PTPRE: variants seen among roughly 807,000 people sequenced by gnomAD.
PTPRE encodes protein tyrosine phosphatase receptor type E.
In PTPRE, 51 loss-of-function variants were observed where a neutral mutation model predicts 102.0. The observed-to-expected ratio is 0.50, with a 90% CI of 0.40 to 0.63. The LOEUF is 0.63. Among genes scored for constraint, PTPRE ranks in the 30% least tolerant of loss-of-function variants. PTPRE has a pLI of 0.00. For synonymous variants in PTPRE, 345 were observed against 348.2 expected, an observed-to-expected ratio of 0.99 and a Z score of 0.10; for missense variants, 752 against 915.1, an observed-to-expected ratio of 0.82 and a Z score of 2.30.
intron 2 of PTPRE, chr10:127,998,990 G>A (rs1004836422): frequency 6.6e-6 from 1 of 151,922 alleles, no homozygotes; most frequent in Non-Finnish European, 1.5e-5. Flanking sequence ...GTAGAAGGGG[G>A]CAAAGAGATC....
intron 10 of PTPRE, among the ~76,000 whole-genome samples, chr10:128,065,106 A>G (rs1891817): frequency 0.96 from 145,665 of 152,292 alleles, 69,721 homozygotes; most frequent in East Asian, 1. Flanking sequence ...CCTGTGACCC[A>G]CAGCCCCGCA....
At chr10:128,068,460 G>A in intron 12 of PTPRE, 174 bp downstream of exon 12, 2 of 616,452 alleles carry the variant, frequency 3.2e-6, no homozygotes, top group Non-Finnish European at 5.1e-6. Context: ...ACAGGAGAAT[G>A]TTCAGAGAGC....
intron 2 of PTPRE, 77 bp from the exon 3 acceptor site, chr10:128,040,798 C>T: frequency 1.8e-6 from 2 of 1,134,340 alleles, no homozygotes; most frequent in Middle Eastern, 2.0e-4. Context: ...CTCTTCTCCT[C>T]ATCATCACTG....
chr10:127,938,027 A>G (rs1847958658), intron 1 of PTPRE, among the ~76,000 whole-genome samples: 1 of 152,122 alleles, frequency 6.6e-6, no homozygotes, highest in Admixed American at 6.5e-5. Flanking sequence ...GAAGGAAAAT[A>G]TTTATTCCTT....
chr10:127,916,116 G>A (rs1846189235), intron 1 of PTPRE, among the ~76,000 whole-genome samples: 1 of 152,142 alleles, frequency 6.6e-6, no homozygotes, highest in Admixed American at 6.5e-5. Context: ...GTGGAGGAGG[G>A]GAGACATGGA....
At chr10:127,943,326 GTC>G (rs1411293127) in intron 1 of PTPRE, among the ~76,000 whole-genome samples, 1 of 152,200 alleles carries the variant, frequency 6.6e-6, no homozygotes, top group Admixed American at 6.5e-5. Flanking sequence ...CTGGCTGCCA[GTC>G]TCTCACACTC....
chr10:128,049,672 TGTG>T lies in PTPRE; in HGVS notation c.420+8_420+10del, dbSNP rs1480077755. On this transcript the variant is annotated splice_region_variant and intron_variant, in intron 6 of 20. Coordinates refer to ENST00000254667, the MANE Select transcript of PTPRE (RefSeq NM_006504.6). ...AGTTTCGGGAGGAGTTCAACGTGAGTGTGGGGAGGGCTCTCTGCTGGGTGCCCT... is the reference window on the plus strand; with the variant it reads ...AGTTTCGGGAGGAGTTCAACGTGAGTGGGAGGGCTCTCTGCTGGGTGCCCT... The T allele has an allele frequency of 9.9e-6, 16 of 1,613,278 alleles. No homozygotes were observed. Among genetic ancestry groups the T allele is most frequent in the African/African-American group, 2.7e-5 (2 of 74,850 alleles).
chr10:127,971,970 A>G (rs1349006596), intron 1 of PTPRE, among the ~76,000 whole-genome samples: 1 of 152,224 alleles, frequency 6.6e-6, no homozygotes, highest in Non-Finnish European at 1.5e-5. Context: ...AGCCTAGTTT[A>G]TAGAAGCCCA....
chr10:127,975,037 A>G (rs966422221), intron 1 of PTPRE, among the ~76,000 whole-genome samples: 3 of 152,218 alleles, frequency 2.0e-5, no homozygotes, highest in Admixed American at 6.5e-5. Flanking sequence ...GGATACAACC[A>G]GGGCAGCCCA....
intron 1 of PTPRE, among the ~76,000 whole-genome samples, chr10:127,947,289 T>A (rs1354513744): frequency 1.3e-5 from 2 of 151,252 alleles, no homozygotes; most frequent in African/African-American, 4.9e-5. Context: ...TAAATAAAAA[T>A]TCTCAGAGGT....
intron 2 of PTPRE, chr10:127,987,434 G>A (rs1425208466): frequency 9.9e-7 from 1 of 1,010,314 alleles, no homozygotes; most frequent in African/African-American, 1.7e-5. Flanking sequence ...TGTCTCTTTG[G>A]TTTTGTGTCA....
At chr10:127,936,201 C>T (rs1847834236) in intron 1 of PTPRE, 1 of 152,168 alleles carries the variant, frequency 6.6e-6, no homozygotes, top group Admixed American at 6.5e-5. Flanking sequence ...TAAAGGGGGA[C>T]AGTGCCATTT....
At chr10:127,926,896 C>T (rs1449509629) in intron 1 of PTPRE, among the ~76,000 whole-genome samples, 2 of 144,702 alleles carry the variant, frequency 1.4e-5, no homozygotes, top group Non-Finnish European at 3.0e-5. Flanking sequence ...ACTGTAACCT[C>T]TGCCTCCCAG....
intron 1 of PTPRE, among the ~76,000 whole-genome samples, chr10:127,981,506 T>C (rs1851614995): frequency 6.6e-6 from 1 of 151,276 alleles, no homozygotes; most frequent in African/African-American, 2.5e-5. Context: ...TTTTAAAAAA[T>C]AAAATAACAT....
chr10:127,961,773 C>A (rs1219301478), intron 1 of PTPRE, among the ~76,000 whole-genome samples: 1 of 152,162 alleles, frequency 6.6e-6, no homozygotes, highest in African/African-American at 2.4e-5. Context: ...GTATTTATTC[C>A]TGTCTCCCCC....
chr10:127,981,089 G>T (rs1011033229), intron 1 of PTPRE, among the ~76,000 whole-genome samples: 3 of 152,160 alleles, frequency 2.0e-5, no homozygotes, highest in African/African-American at 7.2e-5. Context: ...TCAACAAAAT[G>T]TGGTATATCC....
At chr10:127,912,608 A>G (rs1845939193) in intron 1 of PTPRE, among the ~76,000 whole-genome samples, 1 of 152,226 alleles carries the variant, frequency 6.6e-6, no homozygotes, top group Non-Finnish European at 1.5e-5. Flanking sequence ...TGTTGGGTGG[A>G]GAGTAAAGAA....
At chr10:127,993,362 T>C (rs7079283) in intron 2 of PTPRE, among the ~76,000 whole-genome samples, 9,372 of 152,292 alleles carry the variant, frequency 0.062, 921 homozygotes, top group African/African-American at 0.2. Flanking sequence ...TTATATGATG[T>C]GTGACACATA....
rs59007980 is a variant in PTPRE, at chr10:128,002,683, CTTTTTTTTTTTTTTTTTTTT to C, written c.-8+20405_-8+20424del. Among the ~76,000 whole-genome samples the C allele has an allele frequency of 5.8e-4, 24 of 41,202 alleles. No individual in the cohort carries two copies. The South Asian group carries it at 0.018, about 31-fold the overall frequency. 27.0% of individuals were successfully genotyped at this position (41,202 alleles called of 152,430 possible). On this transcript the variant is annotated intron_variant, in intron 2 of 20. Coordinates refer to ENST00000254667, the MANE Select transcript of PTPRE (RefSeq NM_006504.6). ...TTTGCAGTGTTTGGGAGTCACATAT[CTTTTTTTTTTTTTTTTTTTT>C]TTTTTTTTTTTTTTTTTGAGACAGG...
Sources: allele counts gnomAD v4.1 joint callset (sites outside exome capture counted in the v4.1 genomes callset), GRCh38; gene constraint gnomAD v4.1.1; transcripts MANE v1.5; gene names NCBI Gene and HGNC (gene_info 2026-07-23, HGNC 2026-07-21).